NF1: variants seen among roughly 807,000 people sequenced by gnomAD.
NF1 encodes neurofibromin.
In NF1, 122 loss-of-function variants were observed where a neutral mutation model predicts 325.7. The observed-to-expected ratio is 0.37, with a 90% CI of 0.32 to 0.44. The LOEUF is 0.44. Among genes scored for constraint, NF1 ranks in the 20% least tolerant of loss-of-function variants. The pLI is 1.00. For missense variants in NF1, 2,140 were observed against 3,415.4 expected (o/e 0.63, Z 9.31); for synonymous variants, 1,091 against 1,186.0 (o/e 0.92, Z 1.65).
intron 23 of NF1, 69 bp from the exon 24 acceptor site, chr17:31,230,773 G>A (rs186239451): frequency 1.4e-4 from 166 of 1,179,150 alleles, no homozygotes; most frequent in Non-Finnish European, 1.9e-4. Context: ...GAAATCTTAC[G>A]TGACTAAAGG....
chr17:31,308,701 C>T (rs2068795025), intron 36 of NF1, among the ~76,000 whole-genome samples: 1 of 151,972 alleles, frequency 6.6e-6, no homozygotes, highest in Admixed American at 6.6e-5. Flanking sequence ...TGAATCTGTC[C>T]TCATCTTTCA....
chr17:31,216,798 C>G (rs1388572306), intron 13 of NF1, among the ~76,000 whole-genome samples: 1 of 152,142 alleles, frequency 6.6e-6, no homozygotes, highest in Non-Finnish European at 1.5e-5. Context: ...TTCCTTTACT[C>G]TATTCATGAT....
intron 57 of NF1, among the ~76,000 whole-genome samples, chr17:31,368,074 A>G (rs1296886336): frequency 2.6e-5 from 4 of 152,350 alleles, no homozygotes; most frequent in Non-Finnish European, 5.9e-5. Context: ...TGTAATTAAT[A>G]TACAAAAAGA....
chr17:31,258,232 G>T, intron 31 of NF1, 112 bp from the exon 32 acceptor site: 1 of 1,110,264 alleles, frequency 9.0e-7, no homozygotes, highest in South Asian at 1.3e-5. Context: ...TGTCATTCAT[G>T]AGGACTGATT....
chr17:31,362,532 C>T (rs1298659882), intron 57 of NF1, among the ~76,000 whole-genome samples: 1 of 152,180 alleles, frequency 6.6e-6, no homozygotes, highest in Non-Finnish European at 1.5e-5. Flanking sequence ...TATCTACTTT[C>T]CCTTCTCCTT....
chr17:31,206,192 CA>C, intron 11 of NF1, 47 bp from the exon 12 acceptor site: 2 of 1,607,674 alleles, frequency 1.2e-6, no homozygotes, highest in South Asian at 2.2e-5. Flanking sequence ...GCATACAACT[CA>C]CGTAATTTTG....
chr17:31,141,073 A>G (rs1167587719), intron 1 of NF1, among the ~76,000 whole-genome samples: 2 of 152,224 alleles, frequency 1.3e-5, no homozygotes, highest in African/African-American at 4.8e-5. Flanking sequence ...AAGGATTTTT[A>G]TTAAGTAATT....
chr17:31,176,340 C>G (rs914109373), intron 5 of NF1, among the ~76,000 whole-genome samples: 1 of 152,234 alleles, frequency 6.6e-6, no homozygotes, highest in South Asian at 2.1e-4. Context: ...TATCCTTCAT[C>G]TACTTTTTAA....
intron 29 of NF1, among the ~76,000 whole-genome samples, chr17:31,240,639 T>C (rs2067280232): frequency 6.6e-6 from 1 of 152,180 alleles, no homozygotes; most frequent in Admixed American, 6.5e-5. Context: ...ATTTTTAGTT[T>C]TTTGAGGAAC....
chr17:31,123,336 G>A (rs1914596476), intron 1 of NF1, among the ~76,000 whole-genome samples: 1 of 152,152 alleles, frequency 6.6e-6, no homozygotes, highest in South Asian at 2.1e-4. Flanking sequence ...ATGGTTAAAT[G>A]TGTATAATCT....
rs753548737 is a variant in NF1 at position 31,232,204 on chromosome 17, C to G, written c.3314+15C>G. On this transcript the variant is annotated intron_variant, in intron 25 of 57. Coordinates refer to ENST00000358273, the MANE Select transcript of NF1 (RefSeq NM_001042492.3). ...TTATTTCTTAAGTAAATTTCAGTCA[C>G]CAAAAAACATAAAGCAAAAAGCAAA... 1.3e-6 allele frequency: 2 copies of G among 1,515,576 alleles called. No homozygotes were observed. The highest frequency in any genetic ancestry group is 1.7e-5 in the Admixed American group (1 of 59,656). The allele number at this position is 1,515,576 out of a possible 1,614,324, so 93.9% of individuals were successfully genotyped here.
Position 31,226,426 on chromosome 17 carries a change from G to A in NF1, c.2002-9G>A, listed in dbSNP as rs376197466. 3.1e-6 allele frequency: 5 copies of A among 1,611,406 alleles called. No homozygotes were observed. Among genetic ancestry groups the A allele is most frequent in the Non-Finnish European group, 4.2e-6 (5 of 1,179,322 alleles). ...TTGCAAATATATGTCTTCCACCCTTGACTCTCAGGATAGTGCAGCAGGATG... is the reference window on the plus strand; with the variant it reads ...TTGCAAATATATGTCTTCCACCCTTAACTCTCAGGATAGTGCAGCAGGATG... On this transcript the variant is annotated splice_polypyrimidine_tract_variant and intron_variant, in intron 17 of 57. Coordinates refer to ENST00000358273, the MANE Select transcript of NF1 (RefSeq NM_001042492.3).
At chr17:31,252,141 A>C in intron 30 of NF1, 1 of 181,064 alleles carries the variant, frequency 5.5e-6, no homozygotes, top group Non-Finnish European at 1.1e-5. Flanking sequence ...TTTTTTTTTA[A>C]GATATTTTGA....
At chr17:31,362,105 C>A (rs1231367510) in intron 57 of NF1, among the ~76,000 whole-genome samples, 3 of 152,128 alleles carry the variant, frequency 2.0e-5, no homozygotes, top group African/African-American at 7.2e-5. Context: ...CACCTCAGAT[C>A]TGCACAAAAA....
chr17:31,256,187 T>A (rs1289118682), intron 31 of NF1, among the ~76,000 whole-genome samples: 5 of 152,190 alleles, frequency 3.3e-5, no homozygotes, highest in Non-Finnish European at 7.3e-5. Context: ...GTCACCCAGA[T>A]TGGAGTGCAG....
At chr17:31,149,358 A>G (rs1276607174) in intron 1 of NF1, among the ~76,000 whole-genome samples, 5 of 151,928 alleles carry the variant, frequency 3.3e-5, no homozygotes, top group African/African-American at 4.8e-5. Context: ...GCTGGAGTGC[A>G]GTGGGGCTTA....
At chr17:31,334,431 A>G (rs1188425421) in intron 39 of NF1, among the ~76,000 whole-genome samples, 3 of 152,254 alleles carry the variant, frequency 2.0e-5, no homozygotes, top group Non-Finnish European at 4.4e-5. Flanking sequence ...ATAAATGTAC[A>G]TTAACTCTAC....
chr17:31,304,852 C>A lies in NF1; in HGVS notation c.4836-20968C>A, dbSNP rs115271229. On this transcript the variant is annotated intron_variant, in intron 36 of 57. Transcript: ENST00000358273. ...TTCATTTTCTCTGATGTTATCCATA[C>A]AAATGTCAGGGGTTTCTCCATCAGC... 3.6e-4 allele frequency: 580 copies of A among 1,614,020 alleles called. 3 individuals carry two copies. The African/African-American group carries it at 6.8e-3, about 19-fold the overall frequency.
intron 15 of NF1, among the ~76,000 whole-genome samples, chr17:31,223,099 C>A (rs2066954698): frequency 6.6e-6 from 1 of 152,156 alleles, no homozygotes; most frequent in South Asian, 2.1e-4. Flanking sequence ...TGCAGACCCC[C>A]ACTGTGGAGC....
Sources: gnomAD v4.1 joint callset for allele counts (sites outside exome capture counted in the v4.1 genomes callset) on GRCh38, gnomAD v4.1.1 for gene constraint, MANE v1.5 for transcripts, NCBI Gene and HGNC (gene_info 2026-07-23, HGNC 2026-07-21) for gene names.